MEIOSIN: variants seen among roughly 807,000 people sequenced by gnomAD.
MEIOSIN encodes the protein meiosis initiator, also known as meiosis initiator protein.
Under a neutral mutation model 23.4 loss-of-function variants are expected in MEIOSIN, and 18 were observed. The observed-to-expected ratio is 0.77, with a 90% confidence interval of 0.53 to 1.14. MEIOSIN has a LOEUF of 1.14. Among genes scored for constraint, MEIOSIN ranks in the 50% most tolerant of loss-of-function variants. MEIOSIN has a pLI of 0.00. For synonymous variants in MEIOSIN, 187 were observed against 100.6 expected, an observed-to-expected ratio of 1.86 and a Z score of -5.14; for missense variants, 428 against 242.9, an observed-to-expected ratio of 1.76 and a Z score of -5.07.
At chr19:45,757,619 C>G (rs573315679) in intron 9 of MEIOSIN, among the ~76,000 whole-genome samples, 3 of 152,292 alleles carry the variant, frequency 2.0e-5, no homozygotes, top group Non-Finnish European at 4.4e-5. Flanking sequence ...CTGCTGGGTT[C>G]AAGTGATTCT....
rs1428831968 is a variant in MEIOSIN at position 45,733,598 on chromosome 19, C to T, written c.-69C>T. On this transcript the variant is annotated 5_prime_UTR_variant, in exon 1 of 15. Coordinates refer to ENST00000457052, the MANE Select transcript of MEIOSIN (RefSeq NM_001310124.2). This position sits in a 1 kb window ranked among gnomAD's most constrained non-coding sequence, Gnocchi z 5.7. ...CCGCGCGAGACGCTGTCTGATCGGG[C>T]TCCCTAGAGTGGGGCCCGGAGAAAC... The T allele has an allele frequency of 6.6e-6, 1 of 152,278 alleles. No individual in the cohort carries two copies. The highest frequency in any genetic ancestry group is 2.4e-5 in the African/African-American group (1 of 41,466). 9.4% of individuals were successfully genotyped at this position (152,278 alleles called of 1,614,324 possible). A position where few individuals can be genotyped will look rare whatever the true frequency, so the allele number is the denominator to read the frequency against.
At chr19:45,738,309 A>G (rs750470036) in intron 2 of MEIOSIN, among the ~76,000 whole-genome samples, 9 of 152,226 alleles carry the variant, frequency 5.9e-5, no homozygotes, top group Non-Finnish European at 1.0e-4. Flanking sequence ...TAAACCCATC[A>G]TAAACTGAAA....
At position 45,759,427 on chromosome 19, in the gene MEIOSIN, A is replaced by G. The variant is rs1183797934; in HGVS notation, c.1182A>G (p.Glu394=). The stretch of plus-strand genomic sequence containing the variant: ...CTCCCTCCCTAGCGGCTTTCTTTGA[A>G]GAAGTGTGCTTAGATCTGGAGTCTT... ...MEYLTQAAFF[E]EVCLDLESSP... is the part of the protein sequence containing the mutation. The change falls in exon 11 of 15, where the codon GAA becomes GAG. Residue 394 remains glutamate (E), a synonymous_variant. Transcript: ENST00000457052. 1 of 703,526 alleles carries G rather than the reference A, an allele frequency of 1.4e-6. No homozygotes were observed. Among genetic ancestry groups the G allele is most frequent in the South Asian group, 1.5e-5 (1 of 67,596 alleles). 43.6% of individuals were successfully genotyped at this position (703,526 alleles called of 1,614,324 possible).
Position 45,762,123 on chromosome 19 carries a change from A to G in MEIOSIN, c.1619A>G (p.Lys540Arg). 2.3e-6 allele frequency: 1 copy of G among 434,512 alleles called. No homozygotes were observed. The highest frequency in any genetic ancestry group is 4.0e-6 in the Non-Finnish European group (1 of 247,530). The allele number at this position is 434,512 out of a possible 1,614,324, so 26.9% of individuals were successfully genotyped here. The change falls in exon 13 of 15, where the codon AAG becomes AGG. Residue 540 changes from lysine to arginine, a missense_variant. Lys to Arg is a conservative substitution (Grantham distance 26). Transcript: ENST00000457052. ...AAAGGCCCCTGCCCACCCCAGATGA[A>G]GAAGAAGTGTGTCAACGGCTTCATC... ...KKKGPCPPQM[K>R]KKCVNGFIMF...
chr19:45,754,672 C>T lies in MEIOSIN; in HGVS notation c.750C>T (p.Ser250=), dbSNP rs567619929. Residue 250 remains serine, a synonymous_variant, in exon 7 of 15, where the codon TCC becomes TCT. Transcript: ENST00000457052. ...CAGGTGACAGAAAAGGAGGACAGTCCCAGCTGACGCTGTTGGATCTGGCCG... is the reference window on the plus strand; with the variant it reads ...CAGGTGACAGAAAAGGAGGACAGTCTCAGCTGACGCTGTTGGATCTGGCCG... The part of the protein sequence containing the change: ...SPPGDRKGGQ[S]QLTLLDLAED... 1.0e-5 allele frequency: 7 copies of T among 703,046 alleles called. No individual in the cohort carries two copies. The African/African-American group carries it at 1.0e-4, about 11-fold the overall frequency. The allele number at this position is 703,046 out of a possible 1,614,324, so 43.6% of individuals were successfully genotyped here.
At chr19:45,756,785 C>G (rs994480731) in intron 8 of MEIOSIN, among the ~76,000 whole-genome samples, 1 of 152,142 alleles carries the variant, frequency 6.6e-6, no homozygotes, top group African/African-American at 2.4e-5. Context: ...TCAGCCCTCT[C>G]TCCTGCCCTT....
chr19:45,760,329 G>A (rs1180161064), intron 11 of MEIOSIN, among the ~76,000 whole-genome samples: 3 of 152,158 alleles, frequency 2.0e-5, no homozygotes, highest in East Asian at 1.9e-4. Context: ...GTGTCCGGGC[G>A]TGGTGGCTCA....
chr19:45,746,333 T>C (rs1327352427), intron 4 of MEIOSIN, among the ~76,000 whole-genome samples: 5 of 152,130 alleles, frequency 3.3e-5, no homozygotes, highest in Admixed American at 1.3e-4. Flanking sequence ...AGAGAGTTTG[T>C]TTCCTTTCTT....
At chr19:45,740,592 T>C (rs953479410) in intron 3 of MEIOSIN, among the ~76,000 whole-genome samples, 6 of 151,668 alleles carry the variant, frequency 4.0e-5, no homozygotes, top group Non-Finnish European at 8.8e-5. Flanking sequence ...CTACTAAAAA[T>C]ACAAAAAATT....
chr19:45,749,596 C>T (rs575485752), intron 4 of MEIOSIN, among the ~76,000 whole-genome samples: 3 of 125,936 alleles, frequency 2.4e-5, no homozygotes, highest in East Asian at 5.5e-4. Flanking sequence ...GGCATGAACC[C>T]GGGAGGCGGA....
At chr19:45,744,602 A>ATTAT (rs915625985) in intron 3 of MEIOSIN, among the ~76,000 whole-genome samples, 24 of 151,368 alleles carry the variant, frequency 1.6e-4, no homozygotes, top group Admixed American at 1.1e-3. Flanking sequence ...TTGTATTTTT[A>ATTAT]TTATTTATTT....
At chr19:45,758,246 G>A (rs148716912) in intron 9 of MEIOSIN, among the ~76,000 whole-genome samples, 2,818 of 151,882 alleles carry the variant, frequency 0.019, 75 homozygotes, top group African/African-American at 0.063. Flanking sequence ...CACCTGCCTC[G>A]GCCTCCCAAA....
At chr19:45,744,105 C>A (rs1968551477) in intron 3 of MEIOSIN, among the ~76,000 whole-genome samples, 1 of 151,460 alleles carries the variant, frequency 6.6e-6, no homozygotes, top group South Asian at 2.1e-4. Flanking sequence ...CAGCTCACTG[C>A]AGCTTCCGCC....
At chr19:45,757,687 A>C (rs1968857813) in intron 9 of MEIOSIN, among the ~76,000 whole-genome samples, 1 of 151,322 alleles carries the variant, frequency 6.6e-6, no homozygotes. Context: ...TGCCCAGCTA[A>C]TTTCTGTATT....
chr19:45,753,615 G>C (rs769635530), intron 5 of MEIOSIN, 36 bp from the exon 6 acceptor site: 5 of 684,270 alleles, frequency 7.3e-6, no homozygotes, highest in Non-Finnish European at 1.1e-5. Context: ...CAGATGGGGT[G>C]GGGGATCTGA....
intron 2 of MEIOSIN, among the ~76,000 whole-genome samples, chr19:45,738,562 T>C (rs1466912381): frequency 6.6e-6 from 1 of 152,160 alleles, no homozygotes; most frequent in African/African-American, 2.4e-5. Flanking sequence ...GAGGTTGCAG[T>C]GAGCCAAGAT....
In MEIOSIN at chr19:45,758,883, C is replaced by A; in HGVS notation, c.1018C>A (p.Pro340Thr). The part of the protein sequence containing the change: ...WTPENSPQGS[P>T]LFLGPPQIDV... ...GTCTGCTGTTCCCTTTCCAGGGAGC[C>A]CACTGTTCCTGGGGCCTCCCCAGAT... Residue 340 changes from proline (P) to threonine (T), a missense_variant, in exon 10 of 15, where the codon CCA (proline) becomes ACA (threonine). Pro to Thr is a conservative substitution (Grantham distance 38, BLOSUM62 -1). Coordinates refer to ENST00000457052, the MANE Select transcript of MEIOSIN (RefSeq NM_001310124.2). 1.4e-6 allele frequency: 1 copy of A among 703,084 alleles called. No individual in the cohort carries two copies. The highest frequency in any genetic ancestry group is 2.6e-6 in the Non-Finnish European group (1 of 384,998). The allele number at this position is 703,084 out of a possible 1,614,324, so 43.6% of individuals were successfully genotyped here.
At chr19:45,755,068 T>TTTG in intron 7 of MEIOSIN, among the ~76,000 whole-genome samples, 1 of 152,120 alleles carries the variant, frequency 6.6e-6, no homozygotes, top group Non-Finnish European at 1.5e-5. Context: ...AGCAGAGAGC[T>TTTG]AGGCCAGAGG....
At chr19:45,759,527 C>T (rs1301381463) in intron 11 of MEIOSIN, 37 bp downstream of exon 11, 3 of 701,900 alleles carry the variant, frequency 4.3e-6, no homozygotes, top group Non-Finnish European at 7.8e-6. Flanking sequence ...CAGACACATC[C>T]ATCCGTCTTT....
Sources: gnomAD v4.1 joint callset for allele counts (sites outside exome capture counted in the v4.1 genomes callset) on GRCh38, gnomAD v4.1.1 for gene constraint, Gnocchi (gnomAD v3.1) non-coding constraint, MANE v1.5 for transcripts, NCBI Gene and HGNC (gene_info 2026-07-23, HGNC 2026-07-21) for gene names.